Variants in PCDHA7 observed in about 807,000 individuals in gnomAD.
PCDHA7 encodes the protein protocadherin alpha 7, also known as protocadherin alpha-7.
Under a neutral mutation model 57.2 loss-of-function variants are expected in PCDHA7, and 37 were observed. The ratio of observed to expected loss-of-function variants is 0.65; its 90% CI spans 0.50 to 0.85. The LOEUF (loss-of-function observed/expected upper bound fraction) is 0.85. PCDHA7 is among the 40% of genes least tolerant of loss of function. PCDHA7 has a pLI of 0.00. For missense variants in PCDHA7, 1,188 were observed against 1,241.8 expected, an observed-to-expected ratio of 0.96 and a Z score of 0.65; for synonymous variants, 553 against 558.8, an observed-to-expected ratio of 0.99 and a Z score of 0.15.
chr5:140,948,403 T>A (rs2153683270), intron 1 of PCDHA7, among the ~76,000 whole-genome samples: 1 of 151,756 alleles, frequency 6.6e-6, no homozygotes, highest in Non-Finnish European at 1.5e-5. Context: ...GGTTGTGTAA[T>A]ATTGGTGTTA....
chr5:140,884,192 G>A, intron 1 of PCDHA7: 1 of 1,613,428 alleles, frequency 6.2e-7, no homozygotes, highest in Non-Finnish European at 8.5e-7. Context: ...CGAGGTGGAC[G>A]CGCCGCACCA....
chr5:140,943,465 G>C (rs1332571516), intron 1 of PCDHA7, among the ~76,000 whole-genome samples: 3 of 152,022 alleles, frequency 2.0e-5, no homozygotes, highest in African/African-American at 7.2e-5. Context: ...CTAAATGTGG[G>C]AGATACAGTA....
intron 1 of PCDHA7, among the ~76,000 whole-genome samples, chr5:140,915,068 ACTGAGTAG>A (rs2076964271): frequency 1.3e-5 from 2 of 150,322 alleles, no homozygotes; most frequent in South Asian, 4.2e-4. Context: ...GCCTTAGCCT[ACTGAGTAG>A]CTGGGACTAT....
In PCDHA7 at chr5:140,903,479, T is replaced by C. The variant is rs73266018; in HGVS notation, c.2355+66741T>C. On this transcript the variant is annotated intron_variant, in intron 1 of 3. Transcript: ENST00000525929. The stretch of plus-strand genomic sequence containing the variant: ...ACTTAAAATATTATTCCTTGCATTA[T>C]AGTTCTGAGCAGGTACCATAGATAA... Among the ~76,000 whole-genome samples, 476 of 152,354 alleles carry C rather than the reference T, an allele frequency of 3.1e-3. 2 individuals are homozygous for C. The highest frequency in any genetic ancestry group is 0.011 in the African/African-American group (456 of 41,586).
In PCDHA7 at chr5:140,845,842, G is replaced by A. The variant is rs2150381678; in HGVS notation, c.2355+9104G>A. On this transcript the variant is annotated intron_variant, in intron 1 of 3. Coordinates refer to ENST00000525929, the MANE Select transcript of PCDHA7 (RefSeq NM_018910.3). ...AATTTAGTTATTACCATTCTTAAGA[G>A]AAAAGAAGTTAGTGATTGCAGAAAG... Among the ~76,000 whole-genome samples the A allele has an allele frequency of 1.1e-4, 17 of 149,848 alleles. 1 individual carries two copies. Among genetic ancestry groups the A allele is most frequent in the African/African-American group, 4.1e-4 (17 of 40,984 alleles).
In PCDHA7 at chr5:140,883,991, G is replaced by A. The variant is rs1475054823; in HGVS notation, c.2355+47253G>A. ...GACGCCCGGGGCTGGCAGCGCGGGA[G>A]GCACAGTGAGCGAGCTGATGCCGCG... On this transcript the variant is annotated intron_variant, in intron 1 of 3. Transcript: ENST00000525929. 2 of 1,612,972 alleles carry A rather than the reference G, an allele frequency of 1.2e-6. No individual in the cohort carries two copies. The highest frequency in any genetic ancestry group is 2.2e-5 in the East Asian group (1 of 44,862).
intron 1 of PCDHA7, among the ~76,000 whole-genome samples, chr5:140,838,565 A>G (rs1275372671): frequency 2.0e-5 from 3 of 151,890 alleles, no homozygotes; most frequent in South Asian, 4.2e-4. Context: ...CCAGTACTGT[A>G]TTAGGGACAT....
chr5:140,846,716 T>A (rs1562434614), intron 1 of PCDHA7, among the ~76,000 whole-genome samples: 1 of 149,312 alleles, frequency 6.7e-6, no homozygotes, highest in Non-Finnish European at 1.5e-5. Context: ...TAATAACCAG[T>A]CTTCATTAAA....
chr5:140,929,164 G>A (rs1554206780), intron 1 of PCDHA7: 10 of 1,614,150 alleles, frequency 6.2e-6, no homozygotes, highest in East Asian at 2.2e-5. Context: ...TCTCTATCGG[G>A]CCTCTCTGGG....
chr5:140,942,660 A>G (rs145204660), intron 1 of PCDHA7, among the ~76,000 whole-genome samples: 2 of 152,306 alleles, frequency 1.3e-5, no homozygotes, highest in East Asian at 1.9e-4. Context: ...CAGAAAAGCA[A>G]TAAGCACAAA....
chr5:140,988,495 G>GT (rs2097300130), intron 3 of PCDHA7, among the ~76,000 whole-genome samples: 1 of 152,158 alleles, frequency 6.6e-6, no homozygotes, highest in Non-Finnish European at 1.5e-5. Context: ...CTACCTAGGA[G>GT]AAGCCATGAA....
At chr5:140,921,704 A>T (rs1465184855) in intron 1 of PCDHA7, among the ~76,000 whole-genome samples, 8 of 152,234 alleles carry the variant, frequency 5.3e-5, no homozygotes, top group African/African-American at 1.9e-4. Flanking sequence ...AATTTTAAAC[A>T]GTAAACACAC....
chr5:140,887,153 G>C (rs950456487), intron 1 of PCDHA7, among the ~76,000 whole-genome samples: 1 of 151,288 alleles, frequency 6.6e-6, no homozygotes, highest in South Asian at 2.1e-4. Flanking sequence ...CTGGAGTACA[G>C]TGGCGTGATC....
At chr5:140,849,922 CG>C (rs1376450485) in intron 1 of PCDHA7, 3 of 1,598,214 alleles carry the variant, frequency 1.9e-6, no homozygotes, top group Non-Finnish European at 2.6e-6. Context: ...CACATCTTCA[CG>C]GTGTCTGCGC....
At chr5:141,000,422 T>TATC (rs1491457105) in intron 3 of PCDHA7, among the ~76,000 whole-genome samples, 2 of 51,852 alleles carry the variant, frequency 3.9e-5, no homozygotes, top group African/African-American at 1.7e-4. Context: ...TATATATATA[T>TATC]TTTTTTTTTT....
intron 1 of PCDHA7, chr5:140,856,526 G>C (rs1461628453): frequency 6.3e-7 from 1 of 1,598,340 alleles, no homozygotes; most frequent in Non-Finnish European, 8.6e-7. Context: ...ATCTGATGCG[G>C]ATGTTGGAGA....
chr5:140,859,547 A>G (rs1185528654), intron 1 of PCDHA7: 1 of 181,734 alleles, frequency 5.5e-6, no homozygotes, highest in Non-Finnish European at 1.1e-5. Flanking sequence ...TTCTAGTGTT[A>G]CCAAACACCA....
intron 1 of PCDHA7, chr5:140,929,147 A>G (rs1247156816): frequency 6.2e-7 from 1 of 1,614,062 alleles, no homozygotes; most frequent in Non-Finnish European, 8.5e-7. Flanking sequence ...AGACTTTCTC[A>G]GACTTATCTC....
At chr5:140,927,525 T>C in intron 1 of PCDHA7, 1 of 1,614,088 alleles carries the variant, frequency 6.2e-7, no homozygotes, top group Non-Finnish European at 8.5e-7. Context: ...GCGGGCTACC[T>C]GCCCGCTCAG....
Sources: gnomAD v4.1 joint callset for allele counts (sites outside exome capture counted in the v4.1 genomes callset) on GRCh38, gnomAD v4.1.1 for gene constraint, MANE v1.5 for transcripts, NCBI Gene and HGNC (gene_info 2026-07-23, HGNC 2026-07-21) for gene names.